Variants in PVT1 observed in about 807,000 individuals in gnomAD.
PVT1 encodes the protein Pvt1 oncogene.
intron 2 of PVT1, among the ~76,000 whole-genome samples, chr8:127,841,793 T>TGCACCCAGGCTGGAGTGCAG (rs1401938849): frequency 4.0e-5 from 6 of 151,440 alleles, no homozygotes; most frequent in Non-Finnish European, 7.4e-5. Context: ...TGGCACAATC[T>TGCACCCAGGCTGGAGTGCAG]TGGCTCACTG....
chr8:127,892,648 G>C (rs950051884), intron 3 of PVT1, among the ~76,000 whole-genome samples: 7 of 152,156 alleles, frequency 4.6e-5, no homozygotes, highest in Non-Finnish European at 1.0e-4. Context: ...TACCAAACAA[G>C]GCCCCTTCAG....
rs576309386 is a variant in PVT1 at position 127,924,902 on chromosome 8, C to T, written n.782+33904C>T. On this transcript the variant is annotated intron_variant and non_coding_transcript_variant, in intron 3 of 10. Coordinates refer to ENST00000651587, the Ensembl canonical transcript of PVT1. ...GCCTTAAGCGATCCACCCACCTCGGCCTCCCTTAGTGCTGGGATTATAGGC... is the reference window on the plus strand; with the variant it reads ...GCCTTAAGCGATCCACCCACCTCGGTCTCCCTTAGTGCTGGGATTATAGGC... Among the ~76,000 whole-genome samples the T allele has an allele frequency of 7.9e-5, 12 of 152,250 alleles. No individual in the cohort carries two copies. The East Asian group carries it at 2.3e-3, about 29-fold the overall frequency.
chr8:128,073,734 T>C (rs1814029442), intron 5 of PVT1, among the ~76,000 whole-genome samples: 1 of 152,066 alleles, frequency 6.6e-6, no homozygotes, highest in African/African-American at 2.4e-5. Context: ...GAATACCAGA[T>C]TGATTGTGCA....
chr8:127,890,399 C>T (rs766867402), intron 2 of PVT1, among the ~76,000 whole-genome samples: 63 of 152,234 alleles, frequency 4.1e-4, no homozygotes, highest in Non-Finnish European at 7.6e-4. Context: ...CTTCGTACCG[C>T]AGGAGAGGCA....
At chr8:127,806,970 C>T (rs1213711839) in intron 2 of PVT1, among the ~76,000 whole-genome samples, 1 of 152,160 alleles carries the variant, frequency 6.6e-6, no homozygotes, top group Non-Finnish European at 1.5e-5. Flanking sequence ...GGTGTTTCCA[C>T]AAGATACATG....
At chr8:128,005,836 G>C (rs1390179755) in intron 4 of PVT1, among the ~76,000 whole-genome samples, 2 of 152,130 alleles carry the variant, frequency 1.3e-5, no homozygotes, top group Non-Finnish European at 2.9e-5. Context: ...AGGTGTGGTG[G>C]CTCACACCCG....
intron 3 of PVT1, among the ~76,000 whole-genome samples, chr8:127,940,781 T>C (rs562802850): frequency 5.3e-5 from 8 of 152,206 alleles, no homozygotes; most frequent in African/African-American, 1.9e-4. Context: ...TTTGTATTTT[T>C]TGTAGAGACG....
intron 2 of PVT1, among the ~76,000 whole-genome samples, chr8:127,868,784 T>TATACGTATATATATATGTATATAC (rs1563625664): frequency 0.032 from 2,644 of 83,702 alleles, 218 homozygotes; most frequent in East Asian, 0.082. Flanking sequence ...TATATATATA[T>TATACGTATATATATATGTATATAC]ATATATATAC....
chr8:127,847,227 T>TTGGCCACTGCGCC (rs6150804), intron 2 of PVT1, among the ~76,000 whole-genome samples: 2 of 151,508 alleles, frequency 1.3e-5, no homozygotes, highest in East Asian at 1.9e-4. Flanking sequence ...AGTCGAACTC[T>TTGGCCACTGCGCC]TGGCCCCAAA....
chr8:128,077,457 ATTTCT>A (rs767136424), intron 5 of PVT1, among the ~76,000 whole-genome samples: 2 of 152,026 alleles, frequency 1.3e-5, no homozygotes, highest in Non-Finnish European at 2.9e-5. Flanking sequence ...CTCAATCCAC[ATTTCT>A]TTTATTTCCC....
At chr8:127,820,164 G>A (rs183079951) in intron 2 of PVT1, among the ~76,000 whole-genome samples, 21 of 152,206 alleles carry the variant, frequency 1.4e-4, no homozygotes, top group African/African-American at 4.6e-4. Context: ...ATCTGTAATA[G>A]GGAAGGGTTG....
At chr8:127,980,409 G>A (rs1478037162) in intron 3 of PVT1, among the ~76,000 whole-genome samples, 1 of 152,164 alleles carries the variant, frequency 6.6e-6, no homozygotes, top group African/African-American at 2.4e-5. Flanking sequence ...TGACTTCCTG[G>A]AAGAGGCAAC....
intron 3 of PVT1, among the ~76,000 whole-genome samples, chr8:127,927,871 A>G (rs1280275819): frequency 2.0e-5 from 3 of 152,260 alleles, no homozygotes; most frequent in Non-Finnish European, 2.9e-5. Context: ...AGCAAAGCTC[A>G]TAGGATTAAA....
Position 127,956,018 on chromosome 8 carries a change from T to C in PVT1, n.783-33144T>C, listed in dbSNP as rs540873213. On this transcript the variant is annotated intron_variant and non_coding_transcript_variant, in intron 3 of 10. Coordinates refer to ENST00000651587, the Ensembl canonical transcript of PVT1. ...TGGCCTCTAGGCCTTTGAATTTGCC[T>C]GTCATACTGTACCACCTCTTTGACA... is the stretch of plus-strand genomic sequence containing the variant. Among the ~76,000 whole-genome samples, 3 of 152,396 alleles carry C rather than the reference T, an allele frequency of 2.0e-5. No homozygotes were observed. In the South Asian group the frequency reaches 6.2e-4, roughly 32 times the overall value.
chr8:127,943,731 T>C (rs1255397898), intron 3 of PVT1, among the ~76,000 whole-genome samples: 1 of 152,214 alleles, frequency 6.6e-6, no homozygotes, highest in Non-Finnish European at 1.5e-5. Context: ...GAACCACTAA[T>C]CTAGAGACCA....
intron 5 of PVT1, among the ~76,000 whole-genome samples, chr8:128,071,538 A>AAG (rs1432100290): frequency 4.6e-5 from 7 of 151,534 alleles, no homozygotes; most frequent in Non-Finnish European, 8.8e-5. Flanking sequence ...TAAAAAAAAA[A>AAG]AGCAGTTTTG....
intron 2 of PVT1, among the ~76,000 whole-genome samples, chr8:127,886,641 A>C (rs1260448744): frequency 1.3e-5 from 2 of 151,636 alleles, no homozygotes; most frequent in African/African-American, 4.8e-5. Flanking sequence ...TAATTGTAGA[A>C]TTTCCATTTG....
chr8:127,858,050 T>C (rs1349649257), intron 2 of PVT1, among the ~76,000 whole-genome samples: 5 of 152,174 alleles, frequency 3.3e-5, no homozygotes, highest in African/African-American at 1.2e-4. Context: ...AATTCAGTTA[T>C]CATCTTTGGT....
Position 127,959,148 on chromosome 8 carries a change from G to C in PVT1, n.783-30014G>C, listed in dbSNP as rs184229040. Among the ~76,000 whole-genome samples the C allele has an allele frequency of 1.0e-3, 156 of 152,316 alleles. 1 individual carries two copies. Among genetic ancestry groups the C allele is most frequent in the Middle Eastern group, 0.01 (3 of 294 alleles). On this transcript the variant is annotated intron_variant and non_coding_transcript_variant, in intron 3 of 10. Coordinates refer to ENST00000651587, the Ensembl canonical transcript of PVT1. ...GGGATGTCTTCTGAGTGCTAGCCACGTGAGTGCATTTTACCAAGCGAACTG... is the reference window on the plus strand; with the variant it reads ...GGGATGTCTTCTGAGTGCTAGCCACCTGAGTGCATTTTACCAAGCGAACTG...
Sources: allele counts gnomAD v4.1 joint callset (sites outside exome capture counted in the v4.1 genomes callset), GRCh38; gene constraint gnomAD v4.1.1; transcripts MANE v1.5; gene names NCBI Gene and HGNC (gene_info 2026-07-23, HGNC 2026-07-21).